Variants in CTNND2 observed in about 807,000 individuals in gnomAD.
CTNND2 encodes the protein catenin delta-2.
A neutral mutation model predicts 144.4 loss-of-function variants in CTNND2; 22 were observed. That is an observed-to-expected ratio of 0.15 (90% CI 0.11 to 0.22). The LOEUF is 0.22. CTNND2 is among the 10% of genes least tolerant of loss of function. CTNND2 has a pLI of 1.00. For synonymous variants in CTNND2, 751 were observed against 695.6 expected (o/e 1.08, Z -1.25); for missense variants, 1,353 against 1,618.8 (o/e 0.84, Z 2.82).
chr5:11,675,701 C>T (rs984069714), intron 2 of CTNND2, among the ~76,000 whole-genome samples: 1 of 151,850 alleles, frequency 6.6e-6, no homozygotes, highest in African/African-American at 2.4e-5. Flanking sequence ...AAAACTGTTA[C>T]AGCATATATA....
intron 2 of CTNND2, among the ~76,000 whole-genome samples, chr5:11,596,763 T>C (rs1438140044): frequency 6.6e-6 from 1 of 152,124 alleles, no homozygotes; most frequent in Non-Finnish European, 1.5e-5. Context: ...AGGTGCTGCC[T>C]TGGAGGTGAG....
At chr5:11,196,271 A>T (rs1459771585) in intron 11 of CTNND2, among the ~76,000 whole-genome samples, 2 of 152,216 alleles carry the variant, frequency 1.3e-5, no homozygotes, top group Non-Finnish European at 2.9e-5. Context: ...AAATCACTAA[A>T]ATTGTTCTTT....
At chr5:11,536,211 G>A (rs148328023) in intron 3 of CTNND2, among the ~76,000 whole-genome samples, 4 of 151,956 alleles carry the variant, frequency 2.6e-5, no homozygotes, top group South Asian at 2.1e-4. Context: ...CTATAAGCTC[G>A]GCCACCACAT....
chr5:11,017,857 C>A (rs980855279), intron 18 of CTNND2, 117 bp downstream of exon 18: 3 of 753,662 alleles, frequency 4.0e-6, no homozygotes, highest in Non-Finnish European at 4.6e-6. Context: ...CACTGATTCT[C>A]GTTTCAGTTG....
intron 1 of CTNND2, among the ~76,000 whole-genome samples, chr5:11,818,004 T>TCC (rs1554126309): frequency 5.4e-5 from 5 of 93,282 alleles, no homozygotes; most frequent in African/African-American, 1.5e-4. Flanking sequence ...TTTTTTTTTT[T>TCC]CAGTTCTCCT....
At chr5:11,639,611 A>C (rs889789214) in intron 2 of CTNND2, among the ~76,000 whole-genome samples, 1 of 152,196 alleles carries the variant, frequency 6.6e-6, no homozygotes, top group African/African-American at 2.4e-5. Flanking sequence ...GTAAATACGG[A>C]AAATTCTGGT....
At chr5:11,443,608 A>G (rs772523633) in intron 3 of CTNND2, among the ~76,000 whole-genome samples, 1 of 152,150 alleles carries the variant, frequency 6.6e-6, no homozygotes, top group Non-Finnish European at 1.5e-5. Context: ...CTTAATGTTT[A>G]CATTCCCTTA....
intron 3 of CTNND2, among the ~76,000 whole-genome samples, chr5:11,416,845 A>C (rs1187260155): frequency 6.6e-6 from 1 of 152,182 alleles, no homozygotes; most frequent in African/African-American, 2.4e-5. Context: ...TCACCTCTAA[A>C]GAAATAAATG....
At chr5:11,732,797 T>C (rs990018238) in intron 1 of CTNND2, among the ~76,000 whole-genome samples, 1 of 152,118 alleles carries the variant, frequency 6.6e-6, no homozygotes, top group Non-Finnish European at 1.5e-5. Flanking sequence ...CTCTCTGACC[T>C]TCCCCTGCCC....
At chr5:11,866,200 G>T (rs1259268518) in intron 1 of CTNND2, among the ~76,000 whole-genome samples, 1 of 152,206 alleles carries the variant, frequency 6.6e-6, no homozygotes, top group Non-Finnish European at 1.5e-5. Flanking sequence ...CTACTCGGGA[G>T]GCTGAGGTGG....
At chr5:11,560,858 T>C (rs1776627700) in intron 3 of CTNND2, among the ~76,000 whole-genome samples, 1 of 152,252 alleles carries the variant, frequency 6.6e-6, no homozygotes, top group South Asian at 2.1e-4. Context: ...GGAAGGATCC[T>C]TCACAGACAT....
At chr5:11,072,766 G>T (rs540067647) in intron 16 of CTNND2, among the ~76,000 whole-genome samples, 1 of 152,336 alleles carries the variant, frequency 6.6e-6, no homozygotes, top group East Asian at 1.9e-4. Flanking sequence ...CCCATATCCG[G>T]CCTCAGGCTG....
At chr5:10,997,017 A>G (rs1314902180) in intron 18 of CTNND2, among the ~76,000 whole-genome samples, 3 of 152,136 alleles carry the variant, frequency 2.0e-5, no homozygotes, top group Non-Finnish European at 2.9e-5. Context: ...GGGTCCAAGT[A>G]ATGATGGTCG....
intron 1 of CTNND2, among the ~76,000 whole-genome samples, chr5:11,740,323 T>A (rs1173706736): frequency 6.6e-6 from 1 of 152,156 alleles, no homozygotes; most frequent in Non-Finnish European, 1.5e-5. Context: ...AACAGCATGG[T>A]ACTGGTACCA....
At chr5:11,129,302 T>TAA (rs1296905551) in intron 12 of CTNND2, among the ~76,000 whole-genome samples, 2 of 66,582 alleles carry the variant, frequency 3.0e-5, no homozygotes, top group African/African-American at 7.7e-5. Context: ...ATAATATATA[T>TAA]TATATATATA....
At chr5:11,513,748 G>A (rs991551057) in intron 3 of CTNND2, among the ~76,000 whole-genome samples, 1 of 152,014 alleles carries the variant, frequency 6.6e-6, no homozygotes, top group African/African-American at 2.4e-5. Flanking sequence ...AACTACAAGT[G>A]AACCACTCAT....
intron 3 of CTNND2, among the ~76,000 whole-genome samples, chr5:11,458,030 C>G (rs979279987): frequency 6.6e-6 from 1 of 152,142 alleles, no homozygotes; most frequent in African/African-American, 2.4e-5. Context: ...GACATGATAA[C>G]AGTATGGATC....
intron 9 of CTNND2, among the ~76,000 whole-genome samples, chr5:11,287,759 T>C (rs1472027221): frequency 6.6e-6 from 1 of 152,200 alleles, no homozygotes; most frequent in Non-Finnish European, 1.5e-5. Context: ...TTCGTTTTTC[T>C]AGAAAGTGAA....
At chr5:11,650,252 C>A (rs1215622259) in intron 2 of CTNND2, among the ~76,000 whole-genome samples, 3 of 152,186 alleles carry the variant, frequency 2.0e-5, no homozygotes, top group Non-Finnish European at 4.4e-5. Context: ...GCTCCAGCCA[C>A]AGAAGACATG....
Sources: allele counts gnomAD v4.1 joint callset (sites outside exome capture counted in the v4.1 genomes callset), GRCh38; gene constraint gnomAD v4.1.1; transcripts MANE v1.5; gene names NCBI Gene and HGNC (gene_info 2026-07-23, HGNC 2026-07-21).